The following SNTG1 variants were observed in gnomAD, a reference collection of about 807,000 sequenced individuals.
The protein encoded by SNTG1 is syntrophin gamma 1, also known as gamma-1-syntrophin.
In SNTG1, 39 loss-of-function variants were observed where a neutral mutation model predicts 74.7. The observed-to-expected ratio is 0.52, with a 90% CI of 0.40 to 0.68. The LOEUF is 0.68. SNTG1 is among the 30% of genes least tolerant of loss of function. The probability of loss-of-function intolerance (pLI) is 0.00; values close to 1 mark genes in which losing one functional copy is unlikely to be tolerated. For missense variants in SNTG1, 685 were observed against 609.5 expected, an observed-to-expected ratio of 1.12 and a Z score of -1.30; for synonymous variants, 254 against 217.1, an observed-to-expected ratio of 1.17 and a Z score of -1.49.
At chr8:50,220,592 G>C (rs1483289250) in intron 2 of SNTG1, among the ~76,000 whole-genome samples, 1 of 152,146 alleles carries the variant, frequency 6.6e-6, no homozygotes, top group Non-Finnish European at 1.5e-5. Flanking sequence ...TTTTGTTGGA[G>C]CAGAGCTGGT....
At chr8:50,648,566 A>T (rs904662591) in intron 13 of SNTG1, among the ~76,000 whole-genome samples, 4 of 152,162 alleles carry the variant, frequency 2.6e-5, no homozygotes, top group Admixed American at 2.0e-4. Flanking sequence ...ACAATCTAAC[A>T]ATATTTGTTA....
chr8:50,381,799 A>G (rs1199955372), intron 2 of SNTG1: 1 of 137,394 alleles, frequency 7.3e-6, no homozygotes. Context: ...TATATATCCT[A>G]TTAGTTCTGT....
chr8:50,458,669 T>G (rs957463741), intron 8 of SNTG1, among the ~76,000 whole-genome samples: 8 of 152,136 alleles, frequency 5.3e-5, no homozygotes, highest in African/African-American at 1.9e-4. Context: ...TGCCATGAAG[T>G]AGCATCACAT....
At chr8:50,773,599 GA>G (rs1426437936) in intron 18 of SNTG1, among the ~76,000 whole-genome samples, 1 of 151,998 alleles carries the variant, frequency 6.6e-6, no homozygotes, top group Non-Finnish European at 1.5e-5. Context: ...AAACAGATAG[GA>G]AAACATCAAC....
At chr8:50,672,337 C>T (rs1051647119) in intron 15 of SNTG1, among the ~76,000 whole-genome samples, 2 of 152,140 alleles carry the variant, frequency 1.3e-5, no homozygotes, top group East Asian at 1.9e-4. Context: ...CACAGTCTCT[C>T]CACCATCTAT....
intron 1 of SNTG1, among the ~76,000 whole-genome samples, chr8:49,943,017 A>G (rs1290363073): frequency 6.6e-6 from 1 of 152,192 alleles, no homozygotes; most frequent in African/African-American, 2.4e-5. Context: ...CCTCTCCACC[A>G]TTTGATGTTC....
intron 2 of SNTG1, among the ~76,000 whole-genome samples, chr8:50,206,658 G>A (rs557924134): frequency 4.5e-4 from 68 of 152,196 alleles, no homozygotes; most frequent in African/African-American, 1.5e-3. Flanking sequence ...TTTCAAAGGG[G>A]ATGCTTCCAG....
At chr8:50,006,761 C>A (rs1472701027) in intron 1 of SNTG1, among the ~76,000 whole-genome samples, 1 of 152,096 alleles carries the variant, frequency 6.6e-6, no homozygotes, top group African/African-American at 2.4e-5. Flanking sequence ...GTTGCTGGTG[C>A]CACTAATTAG....
chr8:50,139,906 T>A (rs1013205858), intron 1 of SNTG1, among the ~76,000 whole-genome samples: 7 of 152,200 alleles, frequency 4.6e-5, no homozygotes, highest in Non-Finnish European at 1.0e-4. Flanking sequence ...CTCAGATAGC[T>A]CAGTAATGTA....
At chr8:50,502,719 G>T in intron 8 of SNTG1, 59 bp from the exon 9 acceptor site, 2 of 1,361,626 alleles carry the variant, frequency 1.5e-6, no homozygotes, top group Non-Finnish European at 2.0e-6. Context: ...TCAAGGCTTT[G>T]CCATCATATA....
intron 1 of SNTG1, among the ~76,000 whole-genome samples, chr8:50,037,532 G>A (rs1818268373): frequency 6.6e-6 from 1 of 152,144 alleles, no homozygotes; most frequent in African/African-American, 2.4e-5. Context: ...ATAGTTAGAA[G>A]GTAAATGCTT....
At chr8:50,749,517 C>A (rs2095562454) in intron 17 of SNTG1, among the ~76,000 whole-genome samples, 4 of 151,974 alleles carry the variant, frequency 2.6e-5, no homozygotes, top group Admixed American at 1.3e-4. Context: ...GAAGAAGATG[C>A]CATCTGAAAC....
At chr8:50,662,062 G>A (rs1485291624) in intron 15 of SNTG1, among the ~76,000 whole-genome samples, 2 of 152,130 alleles carry the variant, frequency 1.3e-5, no homozygotes. Flanking sequence ...TGGTTGATAA[G>A]GAAGCCAGTC....
At chr8:50,592,077 T>A (rs1377821751) in intron 13 of SNTG1, among the ~76,000 whole-genome samples, 1 of 152,180 alleles carries the variant, frequency 6.6e-6, no homozygotes, top group African/African-American at 2.4e-5. Flanking sequence ...TCTTGAGAAC[T>A]GCAGATAAGT....
chr8:50,683,109 T>C (rs929274477), intron 15 of SNTG1, among the ~76,000 whole-genome samples: 3 of 152,144 alleles, frequency 2.0e-5, no homozygotes, highest in Non-Finnish European at 4.4e-5. Context: ...ATGTCATCTG[T>C]TTTGCTTAGT....
intron 15 of SNTG1, among the ~76,000 whole-genome samples, chr8:50,685,217 C>A (rs1477940316): frequency 6.6e-6 from 1 of 152,022 alleles, no homozygotes. Flanking sequence ...AGGAAAATAA[C>A]CTTGCTTTTC....
At chr8:50,373,588 A>G (rs572851405) in intron 2 of SNTG1, among the ~76,000 whole-genome samples, 2 of 152,292 alleles carry the variant, frequency 1.3e-5, no homozygotes, top group South Asian at 4.1e-4. Flanking sequence ...ATTTTTCAGG[A>G]TTGTTCTGAT....
chr8:50,261,145 T>G (rs1465383226), intron 2 of SNTG1, among the ~76,000 whole-genome samples: 2 of 151,888 alleles, frequency 1.3e-5, no homozygotes, highest in African/African-American at 4.8e-5. Flanking sequence ...CAAAAAAACA[T>G]GAAAAAGTGA....
At chr8:49,974,723 A>C (rs1812031650) in intron 1 of SNTG1, among the ~76,000 whole-genome samples, 1 of 152,170 alleles carries the variant, frequency 6.6e-6, no homozygotes, top group Non-Finnish European at 1.5e-5. Flanking sequence ...CAACGACTCT[A>C]TTTAAAATAA....
Sources: gnomAD v4.1 joint callset for allele counts (sites outside exome capture counted in the v4.1 genomes callset) on GRCh38, gnomAD v4.1.1 for gene constraint, MANE v1.5 for transcripts, NCBI Gene and HGNC (gene_info 2026-07-23, HGNC 2026-07-21) for gene names.